The following TNIK variants were observed in gnomAD, a reference collection of about 807,000 sequenced individuals.
The protein encoded by TNIK is TRAF2 and NCK interacting kinase, also known as TRAF2 and NCK-interacting protein kinase.
TNIK carries 49 observed loss-of-function variants against 191.3 expected under a neutral mutation model. The ratio of observed to expected loss-of-function variants is 0.26; its 90% CI spans 0.20 to 0.32. The LOEUF (loss-of-function observed/expected upper bound fraction) is 0.32. TNIK is among the 10% of genes least tolerant of loss of function. TNIK has a pLI of 1.00. For missense variants in TNIK, 1,155 were observed against 1,702.3 expected (o/e 0.68, Z 5.66); for synonymous variants, 594 against 600.9 (o/e 0.99, Z 0.17).
Position 171,211,104 on chromosome 3 carries a change from G to A in TNIK, c.306+12C>T, listed in dbSNP as rs761086720. 2.9e-5 allele frequency: 46 copies of A among 1,610,042 alleles called. 1 individual carries two copies. The highest frequency in any genetic ancestry group is 1.7e-4 in the South Asian group (15 of 89,938). ...TTATGTAAATAAAGCAAATTTGGAC[G>A]GCAGTACATACCCAAAGTTGGTCAT... On this transcript the variant is annotated intron_variant, in intron 4 of 32. Transcript: ENST00000436636.
At chr3:171,289,623 G>A (rs370926276) in intron 2 of TNIK, among the ~76,000 whole-genome samples, 1 of 152,322 alleles carries the variant, frequency 6.6e-6, no homozygotes, top group South Asian at 2.1e-4. Flanking sequence ...GAGAAGGCTG[G>A]TTGAGCTAGG....
intron 2 of TNIK, among the ~76,000 whole-genome samples, chr3:171,343,768 ATTCTT>A (rs1711682380): frequency 6.6e-6 from 1 of 152,126 alleles, no homozygotes; most frequent in African/African-American, 2.4e-5. Context: ...TTCTCCAATG[ATTCTT>A]TTGATTTATC....
rs1319906937 is a variant in TNIK, at chr3:171,101,488, T to G, written c.2552A>C (p.His851Pro). Residue 851 changes from histidine to proline, a missense_variant, in exon 22 of 33, where the codon CAT becomes CCT. This residue lies in a region of TNIK where 735 missense variants were observed against 848.0 expected (regional missense o/e 0.87). Transcript: ENST00000436636. Reference sequence around the variant, plus strand: ...GTCGCTGACAGCCACTGTCCCATCATGGGTCTCGCTCTCTCCATCTTCCTC... The same window carrying G: ...GTCGCTGACAGCCACTGTCCCATCAGGGGTCTCGCTCTCTCCATCTTCCTC... ...EEEEDGESET[H>P]DGTVAVSDIP... 1.9e-5 allele frequency: 30 copies of G among 1,613,236 alleles called. No individual in the cohort carries two copies. The highest frequency in any genetic ancestry group is 2.5e-5 in the Non-Finnish European group (30 of 1,179,510).
intron 10 of TNIK, 26 bp from the exon 11 acceptor site, chr3:171,161,362 T>G (rs762300815): frequency 5.6e-6 from 9 of 1,606,018 alleles, no homozygotes; most frequent in Non-Finnish European, 7.7e-6. Flanking sequence ...AGCATGTTAG[T>G]GCACAAAAAG....
chr3:171,063,694 C>G lies in TNIK; in HGVS notation c.*187G>C. On this transcript the variant is annotated 3_prime_UTR_variant, in exon 33 of 33. Coordinates refer to ENST00000436636, the MANE Select transcript of TNIK (RefSeq NM_015028.4). ...GAAATTCCTGCCACCTTTTTCTCTC[C>G]TTCTCAACCAGGCTGCAACATTGAA... 1.9e-6 allele frequency: 1 copy of G among 516,876 alleles called. No homozygotes were observed. Among genetic ancestry groups the G allele is most frequent in the Non-Finnish European group, 3.3e-6 (1 of 298,536 alleles). The allele number at this position is 516,876 out of a possible 1,614,324, so 32.0% of individuals were successfully genotyped here.
At chr3:171,137,968 C>CAAAA (rs58897378) in intron 15 of TNIK, among the ~76,000 whole-genome samples, 3 of 119,546 alleles carry the variant, frequency 2.5e-5, no homozygotes, top group East Asian at 2.6e-4. Context: ...CAAAGATATA[C>CAAAA]AAAAAAAAAA....
chr3:171,406,194 G>A (rs973532046), intron 1 of TNIK, among the ~76,000 whole-genome samples: 7 of 152,102 alleles, frequency 4.6e-5, no homozygotes, highest in Non-Finnish European at 1.0e-4. Context: ...ACTTACCATG[G>A]GTTCAGTGGT....
intron 3 of TNIK, among the ~76,000 whole-genome samples, chr3:171,213,175 C>T (rs977592911): frequency 1.6e-4 from 24 of 152,092 alleles, no homozygotes; most frequent in African/African-American, 5.8e-4. Flanking sequence ...AGGGTCCCTA[C>T]AGCGCACCTC....
intron 4 of TNIK, among the ~76,000 whole-genome samples, chr3:171,208,619 A>T (rs1740404066): frequency 6.6e-6 from 1 of 151,782 alleles, no homozygotes; most frequent in Admixed American, 6.6e-5. Context: ...GTGCAGTGAC[A>T]CTATCTCGGC....
intron 12 of TNIK, among the ~76,000 whole-genome samples, chr3:171,148,076 C>A (rs1388145672): frequency 6.6e-6 from 1 of 152,076 alleles, no homozygotes; most frequent in Non-Finnish European, 1.5e-5. Flanking sequence ...TAACTCATTC[C>A]TTTCTTTCTA....
intron 12 of TNIK, among the ~76,000 whole-genome samples, chr3:171,155,308 G>A (rs766319127): frequency 6.6e-6 from 1 of 152,234 alleles, no homozygotes; most frequent in Non-Finnish European, 1.5e-5. Flanking sequence ...TTCCTGGTGG[G>A]AGAGAATGTC....
At chr3:171,080,064 C>A (rs907058138) in intron 27 of TNIK, among the ~76,000 whole-genome samples, 3 of 152,108 alleles carry the variant, frequency 2.0e-5, no homozygotes, top group Non-Finnish European at 4.4e-5. Context: ...CTTTCCTTCA[C>A]CGTATAACCT....
chr3:171,182,167 A>ATTTTTTTTT, intron 7 of TNIK, among the ~76,000 whole-genome samples: 1 of 65,612 alleles, frequency 1.5e-5, no homozygotes, highest in Non-Finnish European at 2.8e-5. Context: ...CATTGTTAGG[A>ATTTTTTTTT]TTTTTTTTTT....
intron 19 of TNIK, 114 bp from the exon 20 acceptor site, chr3:171,108,276 G>T: frequency 1.4e-6 from 1 of 733,870 alleles, no homozygotes; most frequent in Non-Finnish European, 2.0e-6. Flanking sequence ...CAGTGGACAC[G>T]TCATTCACCT....
chr3:171,211,569 C>T (rs1740826238), intron 3 of TNIK, among the ~76,000 whole-genome samples: 1 of 152,176 alleles, frequency 6.6e-6, no homozygotes, highest in Non-Finnish European at 1.5e-5. Context: ...CTGGGAACTA[C>T]ATCCATCAAG....
At chr3:171,255,666 G>A (rs1034439694) in intron 2 of TNIK, among the ~76,000 whole-genome samples, 1 of 152,124 alleles carries the variant, frequency 6.6e-6, no homozygotes, top group African/African-American at 2.4e-5. Flanking sequence ...CCTGAACACG[G>A]GCAAAGGAAT....
At chr3:171,312,432 AC>A (rs1217468939) in intron 2 of TNIK, among the ~76,000 whole-genome samples, 1 of 152,126 alleles carries the variant, frequency 6.6e-6, no homozygotes. Flanking sequence ...TGGTAGCCTG[AC>A]TATTTAGAAT....
chr3:171,295,776 G>A (rs1475576203), intron 2 of TNIK, among the ~76,000 whole-genome samples: 1 of 152,134 alleles, frequency 6.6e-6, no homozygotes, highest in Non-Finnish European at 1.5e-5. Flanking sequence ...CATCTGGCTG[G>A]GGGGCAACTC....
At chr3:171,408,216 A>G (rs1721954171) in intron 1 of TNIK, among the ~76,000 whole-genome samples, 1 of 151,460 alleles carries the variant, frequency 6.6e-6, no homozygotes, top group Non-Finnish European at 1.5e-5. Context: ...AAATGAAAAG[A>G]AAAAAAGTCC....
Sources: allele counts gnomAD v4.1 joint callset (sites outside exome capture counted in the v4.1 genomes callset), GRCh38; gene constraint gnomAD v4.1.1; regional missense constraint gnomAD v4.1.1; transcripts MANE v1.5; gene names NCBI Gene and HGNC (gene_info 2026-07-23, HGNC 2026-07-21).